Variants in PRMT3 observed in about 807,000 individuals in gnomAD.
The protein encoded by PRMT3 is protein arginine methyltransferase 3.
PRMT3 carries 62 observed loss-of-function variants against 71.9 expected under a neutral mutation model. The observed-to-expected ratio is 0.86, with a 90% CI of 0.70 to 1.07. The LOEUF (loss-of-function observed/expected upper bound fraction) is 1.07. PRMT3 is among the 50% of genes least tolerant of loss of function. The pLI is 0.00. For synonymous variants in PRMT3, 213 were observed against 220.4 expected, an observed-to-expected ratio of 0.97 and a Z score of 0.30; for missense variants, 663 against 643.0, an observed-to-expected ratio of 1.03 and a Z score of -0.34.
At chr11:20,475,427 C>A (rs1850756408) in intron 13 of PRMT3, among the ~76,000 whole-genome samples, 1 of 152,172 alleles carries the variant, frequency 6.6e-6, no homozygotes, top group African/African-American at 2.4e-5. Flanking sequence ...TTGCCGCTTT[C>A]ATTCTTCTCT....
At chr11:20,485,441 A>G (rs958505693) in intron 13 of PRMT3, among the ~76,000 whole-genome samples, 1 of 152,222 alleles carries the variant, frequency 6.6e-6, no homozygotes, top group Non-Finnish European at 1.5e-5. Context: ...GGTTTTGAAA[A>G]ACTATGCTTA....
intron 9 of PRMT3, among the ~76,000 whole-genome samples, chr11:20,426,277 T>C (rs1419919053): frequency 6.6e-6 from 1 of 152,232 alleles, no homozygotes; most frequent in East Asian, 1.9e-4. Context: ...TATTCTCTTT[T>C]ACACAGGAGT....
chr11:20,415,253 T>C (rs1244215682), intron 9 of PRMT3, among the ~76,000 whole-genome samples: 1 of 152,164 alleles, frequency 6.6e-6, no homozygotes, highest in African/African-American at 2.4e-5. Flanking sequence ...GTGAACGTCA[T>C]GAAGGTCATC....
chr11:20,417,091 G>A (rs938141251), intron 9 of PRMT3, among the ~76,000 whole-genome samples: 8 of 152,112 alleles, frequency 5.3e-5, no homozygotes, highest in Admixed American at 2.6e-4. Context: ...TGTCATGCTC[G>A]CTGACGTGTG....
intron 9 of PRMT3, among the ~76,000 whole-genome samples, chr11:20,424,028 C>T (rs1460207126): frequency 1.3e-5 from 2 of 150,940 alleles, no homozygotes; most frequent in African/African-American, 4.9e-5. Flanking sequence ...ACTGAAAATA[C>T]AAAAAATTAG....
chr11:20,454,823 C>A (rs1003030397), intron 11 of PRMT3, among the ~76,000 whole-genome samples: 1 of 151,988 alleles, frequency 6.6e-6, no homozygotes, highest in Non-Finnish European at 1.5e-5. Context: ...TTTATTTTTA[C>A]ATGAGTTTAA....
chr11:20,437,771 A>G (rs140517024), intron 10 of PRMT3, among the ~76,000 whole-genome samples: 7,093 of 151,972 alleles, frequency 0.047, 258 homozygotes, highest in East Asian at 0.19. Flanking sequence ...TTGCATTTTT[A>G]GTAGAGACAG....
intron 15 of PRMT3, among the ~76,000 whole-genome samples, chr11:20,504,753 C>T (rs866381994): frequency 6.9e-4 from 84 of 121,844 alleles, no homozygotes; most frequent in Middle Eastern, 5.2e-3. Flanking sequence ...AGAGCGAGAG[C>T]GACTGAGACT....
rs184895176 is a variant in PRMT3 at position 20,475,812 on chromosome 11, G to A, written c.1347+11266G>A. ...TGGGATTACAGGCAGACGCCACCAC[G>A]CCCAGCTAATTTTTCTATTTTAGTA... is the stretch of plus-strand genomic sequence containing the variant. On this transcript the variant is annotated intron_variant, in intron 13 of 15. Coordinates refer to ENST00000331079, the MANE Select transcript of PRMT3 (RefSeq NM_005788.4). 4.4e-4 allele frequency among the ~76,000 whole-genome samples: 66 copies of A among 151,064 alleles called. 1 individual carries two copies. The South Asian group carries it at 4.4e-3, about 10-fold the overall frequency.
intron 13 of PRMT3, among the ~76,000 whole-genome samples, chr11:20,486,080 T>G (rs1851064385): frequency 6.6e-6 from 1 of 152,150 alleles, no homozygotes; most frequent in Non-Finnish European, 1.5e-5. Flanking sequence ...AACATTACGC[T>G]AAGTGAAAGA....
At chr11:20,434,764 G>T (rs867399883) in intron 10 of PRMT3, among the ~76,000 whole-genome samples, 1 of 152,090 alleles carries the variant, frequency 6.6e-6, no homozygotes, top group Non-Finnish European at 1.5e-5. Flanking sequence ...TACCAGTACT[G>T]TGCTGTTTTT....
intron 13 of PRMT3, among the ~76,000 whole-genome samples, chr11:20,493,668 T>C (rs977016236): frequency 3.3e-5 from 5 of 152,242 alleles, no homozygotes; most frequent in Non-Finnish European, 5.9e-5. Context: ...CTAGCATGAT[T>C]ATTTCTCTAA....
rs570344022 is a variant in PRMT3 at position 20,491,837 on chromosome 11, C to T, written c.1348-2082C>T. On this transcript the variant is annotated intron_variant, in intron 13 of 15. Transcript: ENST00000331079. ...TAGGCTGAGACTTCTGCATTTCCTA[C>T]ATACAGAATTAGATCTTTTCTAGCT... 3.3e-5 allele frequency among the ~76,000 whole-genome samples: 5 copies of T among 152,332 alleles called. No individual in the cohort carries two copies. The East Asian group carries it at 9.7e-4, about 29-fold the overall frequency.
chr11:20,482,561 G>A (rs767957039), intron 13 of PRMT3, among the ~76,000 whole-genome samples: 1 of 152,046 alleles, frequency 6.6e-6, no homozygotes, highest in Non-Finnish European at 1.5e-5. Flanking sequence ...CACAGAGGCT[G>A]TCAATTAACA....
chr11:20,409,514 A>G (rs908274789), intron 9 of PRMT3, among the ~76,000 whole-genome samples: 2 of 152,222 alleles, frequency 1.3e-5, no homozygotes, highest in African/African-American at 2.4e-5. Context: ...ATTGCCCACC[A>G]CATGTTAAAT....
intron 9 of PRMT3, among the ~76,000 whole-genome samples, chr11:20,420,494 C>CT (rs2133342738): frequency 6.6e-6 from 1 of 152,270 alleles, no homozygotes; most frequent in East Asian, 1.9e-4. Flanking sequence ...ACATAATCGT[C>CT]TGAGCGCCAC....
chr11:20,423,460 TTGTC>T (rs1849470459), intron 9 of PRMT3, among the ~76,000 whole-genome samples: 1 of 152,198 alleles, frequency 6.6e-6, no homozygotes, highest in African/African-American at 2.4e-5. Context: ...TGTTTACATA[TTGTC>T]TATTGCCTCT....
chr11:20,476,853 T>C (rs963560309), intron 13 of PRMT3, among the ~76,000 whole-genome samples: 4 of 152,172 alleles, frequency 2.6e-5, no homozygotes, highest in Non-Finnish European at 5.9e-5. Flanking sequence ...ATTCCCCAAG[T>C]GATCTGCGAT....
intron 11 of PRMT3, among the ~76,000 whole-genome samples, chr11:20,455,630 A>T (rs1850251005): frequency 6.6e-6 from 1 of 152,032 alleles, no homozygotes; most frequent in Admixed American, 6.5e-5. Flanking sequence ...TTTGATTCCT[A>T]ATTTTTCTGA....
Sources: allele counts gnomAD v4.1 joint callset (sites outside exome capture counted in the v4.1 genomes callset), GRCh38; gene constraint gnomAD v4.1.1; transcripts MANE v1.5; gene names NCBI Gene and HGNC (gene_info 2026-07-23, HGNC 2026-07-21).